The following KCNH1 variants were observed in gnomAD, a reference collection of about 807,000 sequenced individuals.
KCNH1 encodes the protein voltage-gated delayed rectifier potassium channel KCNH1.
In KCNH1, 27 loss-of-function variants were observed where a neutral mutation model predicts 69.2. That is an observed-to-expected ratio of 0.39 (90% CI 0.29 to 0.54). The LOEUF is 0.54. KCNH1 is among the 20% of genes least tolerant of loss of function. The pLI, the probability that KCNH1 is intolerant of heterozygous loss-of-function variation, is 0.68. For missense variants in KCNH1, 798 were observed against 1,261.6 expected (o/e 0.63, Z 5.57); for synonymous variants, 456 against 487.7 (o/e 0.93, Z 0.86).
At chr1:210,842,575 A>G (rs1484847596) in intron 7 of KCNH1, among the ~76,000 whole-genome samples, 2 of 152,206 alleles carry the variant, frequency 1.3e-5, no homozygotes, top group Non-Finnish European at 2.9e-5. Context: ...ATCATGGCAT[A>G]ACATTTATTA....
intron 7 of KCNH1, among the ~76,000 whole-genome samples, chr1:210,814,609 G>A (rs1318928989): frequency 1.3e-5 from 2 of 152,140 alleles, no homozygotes; most frequent in Non-Finnish European, 2.9e-5. Context: ...CTGTCACTAA[G>A]TCAAGTCATG....
intron 10 of KCNH1, among the ~76,000 whole-genome samples, chr1:210,732,771 G>A (rs1301307672): frequency 3.3e-5 from 5 of 152,234 alleles, no homozygotes; most frequent in African/African-American, 9.6e-5. Flanking sequence ...AGCAGAGGAA[G>A]GAAGTTCTCT....
intron 6 of KCNH1, among the ~76,000 whole-genome samples, chr1:210,978,243 T>TTAGCCAGGATGGTCTCTATTTCCTGA (rs1210345380): frequency 6.6e-6 from 1 of 152,178 alleles, no homozygotes; most frequent in African/African-American, 2.4e-5. Context: ...TTTCACCATG[T>TTAGCCAGGATGGTCTCTATTTCCTGA]TAGCCAGGAT....
chr1:210,831,256 G>A (rs188982758), intron 7 of KCNH1, among the ~76,000 whole-genome samples: 3 of 152,242 alleles, frequency 2.0e-5, no homozygotes, highest in Non-Finnish European at 2.9e-5. Context: ...AGCCTAAATA[G>A]GGGTTAAAAT....
intron 5 of KCNH1, among the ~76,000 whole-genome samples, chr1:211,023,112 G>GA (rs1392010967): frequency 8.1e-6 from 1 of 123,280 alleles, no homozygotes; most frequent in South Asian, 2.4e-4. Flanking sequence ...CTCTGTCTCA[G>GA]AAAAAATAAA....
intron 7 of KCNH1, among the ~76,000 whole-genome samples, chr1:210,899,736 C>T (rs1686955502): frequency 6.6e-6 from 1 of 152,172 alleles, no homozygotes; most frequent in Non-Finnish European, 1.5e-5. Flanking sequence ...CTTCTTAACA[C>T]TTTAAGGCAA....
rs185049458 is a variant in KCNH1, at chr1:210,964,045, A to G, written c.1033-43976T>C. On this transcript the variant is annotated intron_variant, in intron 6 of 10. Transcript: ENST00000271751. ...AAATGTTAAGAGCATCCAGAGAGAA[A>G]GGTTGGGTTACCCACAAAGGGAAGC... 5.6e-3 allele frequency among the ~76,000 whole-genome samples: 850 copies of G among 152,334 alleles called. 11 individuals are homozygous for G. The highest frequency in any genetic ancestry group is 0.019 in the African/African-American group (807 of 41,576).
At chr1:210,849,722 A>G (rs948598111) in intron 7 of KCNH1, among the ~76,000 whole-genome samples, 1 of 152,058 alleles carries the variant, frequency 6.6e-6, no homozygotes, top group African/African-American at 2.4e-5. Context: ...TGTAAAACAA[A>G]GAATAGCTAC....
At chr1:210,989,668 A>C (rs1404116087) in intron 6 of KCNH1, among the ~76,000 whole-genome samples, 1 of 152,222 alleles carries the variant, frequency 6.6e-6, no homozygotes, top group Non-Finnish European at 1.5e-5. Context: ...TGTGTGTAGC[A>C]CTTCAAGAGA....
chr1:210,875,802 CAAA>C (rs201501883), intron 7 of KCNH1, among the ~76,000 whole-genome samples: 1 of 122,320 alleles, frequency 8.2e-6, no homozygotes, highest in African/African-American at 2.9e-5. Context: ...GACACTTTCT[CAAA>C]AAAAAAAAAA....
chr1:210,738,476 A>AATCAGTTGG (rs1197048629), intron 10 of KCNH1, among the ~76,000 whole-genome samples: 1 of 151,688 alleles, frequency 6.6e-6, no homozygotes, highest in Non-Finnish European at 1.5e-5. Flanking sequence ...GGGTTGGGAA[A>AATCAGTTGG]ATCAGTTGGA....
intron 6 of KCNH1, among the ~76,000 whole-genome samples, chr1:210,945,935 A>G (rs1214182130): frequency 2.6e-5 from 4 of 152,178 alleles, no homozygotes; most frequent in Non-Finnish European, 5.9e-5. Flanking sequence ...AGTATACTAG[A>G]GGCTTTACAT....
At chr1:211,077,836 C>G (rs1280098061) in intron 5 of KCNH1, among the ~76,000 whole-genome samples, 5 of 151,978 alleles carry the variant, frequency 3.3e-5, no homozygotes, top group Non-Finnish European at 7.4e-5. Context: ...GAGTCAAGCC[C>G]CATCAGTGTG....
At chr1:211,112,846 A>G (rs1691500331) in intron 1 of KCNH1, among the ~76,000 whole-genome samples, 2 of 152,172 alleles carry the variant, frequency 1.3e-5, no homozygotes, top group South Asian at 2.1e-4. Flanking sequence ...TCCCTTCCCC[A>G]TTCCTAGCAC....
chr1:210,719,971 G>C (rs543477883), intron 10 of KCNH1, among the ~76,000 whole-genome samples: 3 of 152,120 alleles, frequency 2.0e-5, no homozygotes, highest in East Asian at 3.9e-4. Flanking sequence ...ATGTCTGTGT[G>C]TCCCTCCCGT....
At chr1:210,739,910 A>T (rs1682979730) in intron 10 of KCNH1, among the ~76,000 whole-genome samples, 1 of 152,192 alleles carries the variant, frequency 6.6e-6, no homozygotes, top group Admixed American at 6.5e-5. Flanking sequence ...TATTCTGCAG[A>T]TAGAAAAGCT....
At chr1:211,126,668 G>A (rs1691782362) in intron 1 of KCNH1, among the ~76,000 whole-genome samples, 1 of 140,512 alleles carries the variant, frequency 7.1e-6, no homozygotes, top group South Asian at 2.4e-4. Flanking sequence ...GGGTGACAGA[G>A]TGAGATCCTA....
At chr1:210,922,152 C>T (rs1014266067) in intron 6 of KCNH1, among the ~76,000 whole-genome samples, 4 of 151,770 alleles carry the variant, frequency 2.6e-5, no homozygotes, top group African/African-American at 7.3e-5. Context: ...GAGGCCGAGG[C>T]GGGCAGATCA....
At chr1:211,021,152 G>C (rs1428983197) in intron 5 of KCNH1, among the ~76,000 whole-genome samples, 1 of 152,072 alleles carries the variant, frequency 6.6e-6, no homozygotes, top group East Asian at 1.9e-4. Context: ...GAGGACTCAG[G>C]AGGAAAGGGT....
Sources: allele counts gnomAD v4.1 joint callset (sites outside exome capture counted in the v4.1 genomes callset), GRCh38; gene constraint gnomAD v4.1.1; transcripts MANE v1.5; gene names NCBI Gene and HGNC (gene_info 2026-07-23, HGNC 2026-07-21).